The following PRDM1 variants were observed in gnomAD, a reference collection of about 807,000 sequenced individuals.
The protein encoded by PRDM1 is PR domain zinc finger protein 1.
A neutral mutation model predicts 62.8 loss-of-function variants in PRDM1; 13 were observed. The ratio of observed to expected loss-of-function variants is 0.21; its 90% CI spans 0.13 to 0.33. The LOEUF is 0.33. Among genes scored for constraint, PRDM1 ranks in the 10% least tolerant of loss-of-function variants. The pLI is 1.00. For missense variants in PRDM1, 895 were observed against 1,058.8 expected, an observed-to-expected ratio of 0.85 and a Z score of 2.15; for synonymous variants, 396 against 417.6, an observed-to-expected ratio of 0.95 and a Z score of 0.63.
chr6:106,108,376 C>T lies in PRDM1; in HGVS notation c.*890C>T, dbSNP rs1774571073. On this transcript the variant is annotated 3_prime_UTR_variant, in exon 7 of 7. Transcript: ENST00000369096. ...CAGAGCGGCCACATGACTTTTGCATCCATTGTATTATCAGAAAATGTGAAG... is the reference window on the plus strand; with the variant it reads ...CAGAGCGGCCACATGACTTTTGCATTCATTGTATTATCAGAAAATGTGAAG... The T allele has an allele frequency of 4.3e-6, 1 of 233,280 alleles. No individual in the cohort carries two copies. Among genetic ancestry groups the T allele is most frequent in the African/African-American group, 2.2e-5 (1 of 45,188 alleles). The allele number at this position is 233,280 out of a possible 1,614,324, so 14.5% of individuals were successfully genotyped here. A position where few individuals can be genotyped will look rare whatever the true frequency, so the allele number is the denominator to read the frequency against.
At chr6:106,029,518 ATGT>A (rs1328276528) in intron 1 of PRDM1, among the ~76,000 whole-genome samples, 2 of 152,188 alleles carry the variant, frequency 1.3e-5, no homozygotes, top group African/African-American at 4.8e-5. Context: ...AGATTCATCC[ATGT>A]TGTTGCGTGG....
rs777044665 is a variant in PRDM1 at position 106,105,657 on chromosome 6, C to T, written c.1497C>T (p.Thr499=). Reference sequence around the variant, plus strand: ...CGCCCCACAGTGCCTTCTCCTTTACCGGGGCCGCCGCCAGCATGAAGGACA... The same window carrying T: ...CGCCCCACAGTGCCTTCTCCTTTACTGGGGCCGCCGCCAGCATGAAGGACA... The part of the protein sequence containing the change: ...VPAPHSAFSF[T]GAAASMKDKA... Residue 499 remains threonine (T), a synonymous_variant, in exon 5 of 7, where the codon ACC becomes ACT. Transcript: ENST00000369096. 6.2e-7 allele frequency: 1 copy of T among 1,612,364 alleles called. No homozygotes were observed.
At chr6:106,058,945 C>T (rs926686178) in intron 1 of PRDM1, among the ~76,000 whole-genome samples, 10 of 152,126 alleles carry the variant, frequency 6.6e-5, no homozygotes, top group Admixed American at 2.0e-4. Context: ...AAAGATCACT[C>T]GATGAACCAA....
chr6:106,094,250 C>G (rs1246219262), intron 2 of PRDM1, among the ~76,000 whole-genome samples: 1 of 152,212 alleles, frequency 6.6e-6, no homozygotes, highest in African/African-American at 2.4e-5. Flanking sequence ...ACCACTCCCT[C>G]CTCCTTGGTC....
At chr6:106,086,835 A>T (rs1275133006) in intron 1 of PRDM1, among the ~76,000 whole-genome samples, 2 of 152,100 alleles carry the variant, frequency 1.3e-5, no homozygotes, top group African/African-American at 4.8e-5. Flanking sequence ...TCCAGCTCAC[A>T]CTCGTCAAAC....
At position 106,064,584 on chromosome 6, in the gene PRDM1, T is replaced by C. The variant is rs143838284; in HGVS notation, c.-67+15870T>C. ...CTGAGGGCGTGCGGCCCAGCCTCAA[T>C]TTATCTTGACCTCTAATAGCAGGAA... On this transcript the variant is annotated intron_variant, in intron 1 of 6. Coordinates refer to the PRDM1 transcript ENST00000651185. Among the ~76,000 whole-genome samples, 407 of 152,288 alleles carry C rather than the reference T, an allele frequency of 2.7e-3. 2 individuals are homozygous for C. The highest frequency in any genetic ancestry group is 9.2e-3 in the African/African-American group (383 of 41,564).
At position 106,104,980 on chromosome 6, in the gene PRDM1, C is replaced by G. The variant is rs751501813; in HGVS notation, c.820C>G (p.Leu274Val). 1.2e-6 allele frequency: 2 copies of G among 1,614,144 alleles called. No homozygotes were observed. Among genetic ancestry groups the G allele is most frequent in the South Asian group, 1.1e-5 (1 of 91,076 alleles). ...KDLYRSNISP[L>V]TSEKDLDDFR... ...CCTCTACCGTTCTAACATTTCACCC[C>G]TCACATCAGAAAAGGACCTCGATGA... is the stretch of plus-strand genomic sequence containing the variant. The change falls in exon 5 of 7, where the codon CTC becomes GTC. Residue 274 changes from leucine to valine, a missense_variant. Leu to Val is a conservative substitution (Grantham distance 32). This residue lies in a region of PRDM1 where 444 missense variants were observed against 422.7 expected (regional missense o/e 1.05). Transcript: ENST00000369096.
chr6:106,097,253 AG>A (rs1774137586), intron 3 of PRDM1, among the ~76,000 whole-genome samples: 1 of 152,248 alleles, frequency 6.6e-6, no homozygotes, highest in Non-Finnish European at 1.5e-5. Context: ...TTGGAGTTAA[AG>A]GTCTGAATTA....
At chr6:106,090,969 A>C (rs1395655413) in intron 2 of PRDM1, among the ~76,000 whole-genome samples, 1 of 151,700 alleles carries the variant, frequency 6.6e-6, no homozygotes, top group African/African-American at 2.4e-5. Context: ...ATCATTCTGC[A>C]CCTTTAATGA....
chr6:106,096,849 G>A (rs1021853910), intron 3 of PRDM1, among the ~76,000 whole-genome samples: 2 of 152,142 alleles, frequency 1.3e-5, no homozygotes, highest in African/African-American at 4.8e-5. Context: ...AAAGAATTTA[G>A]TAAGCGTTTT....
intron 1 of PRDM1, among the ~76,000 whole-genome samples, chr6:106,026,994 G>A (rs570534116): frequency 6.6e-6 from 1 of 152,270 alleles, no homozygotes; most frequent in Non-Finnish European, 1.5e-5. Context: ...ATTGCCTACC[G>A]CAACTTGCAT....
At chr6:106,062,772 C>T (rs1290549742) in intron 1 of PRDM1, among the ~76,000 whole-genome samples, 1 of 152,158 alleles carries the variant, frequency 6.6e-6, no homozygotes, top group Admixed American at 6.6e-5. Context: ...AACGGGAGGA[C>T]TACTAATGTG....
In PRDM1 at chr6:106,104,940, C is replaced by T. The variant is rs1774404417; in HGVS notation, c.780C>T (p.Pro260=). 7 of 1,614,148 alleles carry T rather than the reference C, an allele frequency of 4.3e-6. No homozygotes were observed. The East Asian group carries it at 1.6e-4, about 36-fold the overall frequency. ...VKEILKLDSN[P]SKGKDLYRSN... The stretch of plus-strand genomic sequence containing the variant: ...AAATCCTAAAATTGGACTCCAACCC[C>T]TCCAAAGGAAAGGACCTCTACCGTT... Residue 260 remains proline, a synonymous_variant, in exon 5 of 7, where the codon CCC becomes CCT. Transcript: ENST00000369096.
At chr6:106,043,012 G>A (rs941634253) in intron 1 of PRDM1, among the ~76,000 whole-genome samples, 8 of 152,030 alleles carry the variant, frequency 5.3e-5, no homozygotes, top group Non-Finnish European at 8.8e-5. Flanking sequence ...CACCACGCCC[G>A]GCTAATTTTT....
chr6:106,041,296 A>G (rs1196617149), intron 1 of PRDM1, among the ~76,000 whole-genome samples: 2 of 152,210 alleles, frequency 1.3e-5, no homozygotes, highest in South Asian at 2.1e-4. Flanking sequence ...TATTTTTCAC[A>G]TTGTTCAAAG....
chr6:105,998,925 ATATATATATTTTTTTTT>A (rs1562141247), intron 1 of PRDM1, among the ~76,000 whole-genome samples: 3 of 2,020 alleles, frequency 1.5e-3, no homozygotes, highest in African/African-American at 7.2e-3. Flanking sequence ...ATATATATAT[ATATATATATTTTTTTTT>A]TTTTTTTTCT....
upstream of PRDM1, chr6:106,046,574 C>T (rs1428585052): frequency 2.0e-5 from 3 of 152,128 alleles, no homozygotes; most frequent in African/African-American, 7.3e-5. Context: ...TGGTCATGAC[C>T]ACCGACACAC....
intron 1 of PRDM1, among the ~76,000 whole-genome samples, chr6:106,030,713 T>C (rs151317545): frequency 1.1e-3 from 173 of 152,282 alleles, no homozygotes; most frequent in African/African-American, 3.9e-3. Flanking sequence ...ATATGTATGG[T>C]GATAAGGGTC....
chr6:106,041,989 G>C (rs780026154), intron 1 of PRDM1, among the ~76,000 whole-genome samples: 4 of 150,810 alleles, frequency 2.7e-5, no homozygotes, highest in Non-Finnish European at 4.4e-5. Context: ...TGATATTTTT[G>C]TAGAGATGGG....
Sources: allele counts gnomAD v4.1 joint callset (sites outside exome capture counted in the v4.1 genomes callset), GRCh38; gene constraint gnomAD v4.1.1; regional missense constraint gnomAD v4.1.1; transcripts MANE v1.5; gene names NCBI Gene and HGNC (gene_info 2026-07-23, HGNC 2026-07-21).